The following ASIC2 variants were observed in gnomAD, a reference collection of about 807,000 sequenced individuals.
ASIC2 encodes acid sensing ion channel subunit 2.
ASIC2 carries 25 observed loss-of-function variants against 57.3 expected under a neutral mutation model. The ratio of observed to expected loss-of-function variants is 0.44; its 90% confidence interval spans 0.32 to 0.61. ASIC2 has a LOEUF of 0.61. ASIC2 is among the 20% of genes least tolerant of loss of function. The probability of loss-of-function intolerance (pLI) is 0.06; values close to 1 mark genes in which losing one functional copy is unlikely to be tolerated. For missense variants in ASIC2, 641 were observed against 738.1 expected (o/e 0.87, Z 1.52); for synonymous variants, 319 against 307.5 (o/e 1.04, Z -0.39).
intron 1 of ASIC2, among the ~76,000 whole-genome samples, chr17:33,185,328 G>A (rs189352065): frequency 2.5e-3 from 376 of 152,204 alleles, no homozygotes; most frequent in Non-Finnish European, 4.3e-3. Flanking sequence ...CAGCCTCTTG[G>A]GTGACTATTT....
At chr17:34,125,554 A>G (rs1361219094) in intron 1 of ASIC2, among the ~76,000 whole-genome samples, 1 of 152,096 alleles carries the variant, frequency 6.6e-6, no homozygotes, top group Non-Finnish European at 1.5e-5. Flanking sequence ...GACTGAAACG[A>G]TACCCAAATG....
chr17:33,246,427 C>G (rs998733318), intron 1 of ASIC2, among the ~76,000 whole-genome samples: 2 of 152,138 alleles, frequency 1.3e-5, no homozygotes, highest in Non-Finnish European at 2.9e-5. Context: ...AATGCTGACC[C>G]CTTCATCCCC....
At chr17:33,577,891 G>A (rs147130524) in intron 1 of ASIC2, among the ~76,000 whole-genome samples, 2 of 152,156 alleles carry the variant, frequency 1.3e-5, no homozygotes, top group Non-Finnish European at 2.9e-5. Flanking sequence ...AGCCAGTGGT[G>A]TGTTCCTGGT....
intron 3 of ASIC2, among the ~76,000 whole-genome samples, chr17:33,046,049 G>T (rs1243969780): frequency 6.6e-6 from 1 of 152,230 alleles, no homozygotes; most frequent in African/African-American, 2.4e-5. Context: ...GCCGTGAATT[G>T]TTTGTTTCCC....
chr17:33,516,746 T>G (rs896516575), intron 1 of ASIC2, among the ~76,000 whole-genome samples: 1 of 152,206 alleles, frequency 6.6e-6, no homozygotes, highest in Admixed American at 6.5e-5. Context: ...TAGTACTCAG[T>G]GCCTGTAAAT....
chr17:33,026,353 A>G (rs753131589), intron 4 of ASIC2, among the ~76,000 whole-genome samples: 1 of 152,196 alleles, frequency 6.6e-6, no homozygotes, highest in Admixed American at 6.5e-5. Flanking sequence ...GCTATACATC[A>G]TCTTCTTTAA....
At chr17:34,009,785 G>A (rs1208355041) in intron 1 of ASIC2, among the ~76,000 whole-genome samples, 35 of 152,304 alleles carry the variant, frequency 2.3e-4, no homozygotes. Context: ...CTGAATTTGG[G>A]GATTGGAATG....
chr17:34,077,610 G>C (rs1909718773), intron 1 of ASIC2, among the ~76,000 whole-genome samples: 2 of 152,124 alleles, frequency 1.3e-5, no homozygotes, highest in Admixed American at 1.3e-4. Context: ...TTAGGGGAAG[G>C]ATTTTTTTCC....
intron 1 of ASIC2, among the ~76,000 whole-genome samples, chr17:33,935,135 CGT>C (rs1332624253): frequency 2.0e-5 from 3 of 152,228 alleles, no homozygotes; most frequent in African/African-American, 4.8e-5. Context: ...ATGTCACACT[CGT>C]TCCCACCTCT....
intron 1 of ASIC2, among the ~76,000 whole-genome samples, chr17:33,222,376 T>A (rs1907718777): frequency 6.6e-6 from 1 of 152,142 alleles, no homozygotes; most frequent in South Asian, 2.1e-4. Context: ...AAAAGGCAAA[T>A]CTACAGAGAT....
chr17:33,657,091 C>T (rs1907098538), intron 1 of ASIC2, among the ~76,000 whole-genome samples: 1 of 152,138 alleles, frequency 6.6e-6, no homozygotes, highest in South Asian at 2.1e-4. Context: ...TAGAAAATGC[C>T]CCTCTGGCGG....
chr17:34,151,711 A>G (rs1420536436), intron 1 of ASIC2, among the ~76,000 whole-genome samples: 1 of 152,192 alleles, frequency 6.6e-6, no homozygotes, highest in Non-Finnish European at 1.5e-5. Flanking sequence ...TGGTGAAGTT[A>G]TAGTATGGAA....
chr17:33,879,095 C>G (rs1914629948), intron 1 of ASIC2, among the ~76,000 whole-genome samples: 1 of 152,256 alleles, frequency 6.6e-6, no homozygotes, highest in African/African-American at 2.4e-5. Context: ...CCTAAAAGAG[C>G]TCCTGAAGGA....
chr17:33,240,913 T>C (rs1243712913), intron 1 of ASIC2, among the ~76,000 whole-genome samples: 1 of 152,136 alleles, frequency 6.6e-6, no homozygotes, highest in African/African-American at 2.4e-5. Flanking sequence ...CATGCCAATA[T>C]CTGGTGTTTT....
At chr17:33,612,410 C>G (rs937462616) in intron 1 of ASIC2, among the ~76,000 whole-genome samples, 1 of 152,000 alleles carries the variant, frequency 6.6e-6, no homozygotes, top group South Asian at 2.1e-4. Context: ...GGCAAAAGGG[C>G]GTTTTGGGGA....
rs568425611 is a variant in ASIC2, at chr17:33,333,200, T to G, written c.556-221133A>C. 2.0e-5 allele frequency among the ~76,000 whole-genome samples: 3 copies of G among 152,314 alleles called. No individual in the cohort carries two copies. In the South Asian group the frequency reaches 6.2e-4, roughly 32 times the overall value. Reference sequence around the variant, plus strand: ...AAGTAAAATGTCTTGAAGAAGCAATTTGGTGATATAAATCAGGAGATATAA... The same window carrying G: ...AAGTAAAATGTCTTGAAGAAGCAATGTGGTGATATAAATCAGGAGATATAA... On this transcript the variant is annotated intron_variant, in intron 1 of 9. Coordinates refer to the ASIC2 transcript ENST00000359872.
chr17:33,190,641 A>C (rs1261555527), intron 1 of ASIC2, among the ~76,000 whole-genome samples: 1 of 152,324 alleles, frequency 6.6e-6, no homozygotes, highest in East Asian at 1.9e-4. Context: ...TGTAAACTAT[A>C]ATAACCAAGA....
intron 1 of ASIC2, among the ~76,000 whole-genome samples, chr17:33,880,010 G>A (rs1914660036): frequency 6.6e-6 from 1 of 152,120 alleles, no homozygotes; most frequent in Non-Finnish European, 1.5e-5. Flanking sequence ...TGACTACTGG[G>A]TACATAACGA....
chr17:33,757,663 G>A lies in ASIC2; in HGVS notation c.555+398315C>T, dbSNP rs890784774. 2.6e-5 allele frequency among the ~76,000 whole-genome samples: 4 copies of A among 152,340 alleles called. No homozygotes were observed. In the East Asian group the frequency reaches 7.7e-4, roughly 29 times the overall value. Reference sequence around the variant, plus strand: ...GCCCCATGTTTTATAGAAAACAGGAGTATACACAAGTAAATGTATCAAAAC... The same window carrying A: ...GCCCCATGTTTTATAGAAAACAGGAATATACACAAGTAAATGTATCAAAAC... On this transcript the variant is annotated intron_variant, in intron 1 of 9. Transcript: ENST00000359872.
Sources: allele counts gnomAD v4.1 joint callset (sites outside exome capture counted in the v4.1 genomes callset), GRCh38; gene constraint gnomAD v4.1.1; transcripts MANE v1.5; gene names NCBI Gene and HGNC (gene_info 2026-07-23, HGNC 2026-07-21).